ADGRG4: variants seen among roughly 807,000 people sequenced by gnomAD.
The protein encoded by ADGRG4 is adhesion G protein-coupled receptor G4.
ADGRG4 carries 122 observed loss-of-function variants against 126.2 expected under a neutral mutation model. That is an observed-to-expected ratio of 0.97 (90% confidence interval 0.83 to 1.12). ADGRG4 has a LOEUF of 1.12. ADGRG4 is among the 50% of genes most tolerant of loss of function. The pLI is 0.00. For synonymous variants in ADGRG4, 943 were observed against 838.7 expected (o/e 1.12, Z -2.15); for missense variants, 2,481 against 2,251.8 (o/e 1.10, Z -2.06).
intron 15 of ADGRG4, 136 bp downstream of exon 15, chrX:136,373,200 A>C: frequency 1.9e-6 from 1 of 528,971 alleles, no homozygotes; most frequent in Admixed American, 3.8e-5. Flanking sequence ...CATCCCAGGG[A>C]AGATTCGTAT....
In ADGRG4 at chrX:136,354,815, G is replaced by T; in HGVS notation, c.6888-1311G>T. On this transcript the variant is annotated intron_variant, in intron 8 of 25. Coordinates refer to ENST00000394143, the MANE Select transcript of ADGRG4 (RefSeq NM_153834.4). ...TTATAAAGGATACTGCAGAAGATAC[G>T]AATGAAGAGATGTGTAAGGCGAGGT... Among the ~76,000 whole-genome samples the T allele has an allele frequency of 1.8e-5, 2 of 111,633 alleles. 1 individual carries two copies. Among genetic ancestry groups the T allele is most frequent in the East Asian group, 5.6e-4 (2 of 3,564 alleles).
At chrX:136,311,124 T>A (rs1253703696) in intron 4 of ADGRG4, among the ~76,000 whole-genome samples, 1 of 110,445 alleles carries the variant, frequency 9.1e-6, no homozygotes, top group East Asian at 2.8e-4. Flanking sequence ...TTCTTCCTCT[T>A]CTATAAGGGC....
chrX:136,339,208 T>A (rs943953447), intron 5 of ADGRG4, among the ~76,000 whole-genome samples: 4 of 111,581 alleles, frequency 3.6e-5, no homozygotes, highest in Non-Finnish European at 7.5e-5. Flanking sequence ...TACCTTGGTG[T>A]CTCTGGGTGA....
chrX:136,411,947 A>G (rs2075448375), intron 23 of ADGRG4, among the ~76,000 whole-genome samples: 1 of 112,913 alleles, frequency 8.9e-6, no homozygotes. Context: ...TATTGGTACA[A>G]TGTGGAAGTA....
At chrX:136,402,829 TGCCCTTCTCCTAA>T (rs974190087) in intron 21 of ADGRG4, among the ~76,000 whole-genome samples, 2 of 111,721 alleles carry the variant, frequency 1.8e-5, no homozygotes, top group African/African-American at 6.5e-5. Flanking sequence ...TGATTGCCTG[TGCCCTTCTCCTAA>T]GGTGACCTAG....
chrX:136,380,613 T>C (rs868227264), intron 15 of ADGRG4, among the ~76,000 whole-genome samples: 2 of 68,820 alleles, frequency 2.9e-5, no homozygotes, highest in African/African-American at 1.3e-4. Context: ...CCTCTTCTTC[T>C]TCTTCTTCTT....
In ADGRG4 at chrX:136,403,295, A is replaced by G; in HGVS notation, c.8627A>G (p.Tyr2876Cys). The change falls in exon 22 of 26, where the codon TAT (tyrosine) becomes TGT (cysteine). Residue 2876 changes from tyrosine (Y) to cysteine (C), a missense_variant. Coordinates refer to ENST00000394143, the MANE Select transcript of ADGRG4 (RefSeq NM_153834.4). ...ACAGTCAGTGTGAAAAAAGATCTGT[A>G]TGGAACTCTGAGCCCAACAACTCCG... ...AITVSVKKDL[Y>C]GTLSPTTPFC... The G allele has an allele frequency of 8.3e-7, 1 of 1,208,584 alleles. No homozygotes were observed. Among genetic ancestry groups the G allele is most frequent in the Non-Finnish European group, 1.1e-6 (1 of 892,627 alleles).
In ADGRG4 at chrX:136,350,234, C is replaced by T; in HGVS notation, c.6528C>T (p.Asp2176=). ...TAATTATTCCTAAGCCCACACTGGA[C>T]TCCCTTCTAAATATAATGACTACTA... ...STLIIPKPTL[D]SLLNIMTTTS... Residue 2176 remains aspartate, a synonymous_variant, in exon 6 of 26, where the codon GAC becomes GAT. Coordinates refer to ENST00000394143, the MANE Select transcript of ADGRG4 (RefSeq NM_153834.4). The T allele has an allele frequency of 8.3e-7, 1 of 1,206,761 alleles. No homozygotes were observed.
intron 25 of ADGRG4, among the ~76,000 whole-genome samples, 186 bp from the exon 26 acceptor site, chrX:136,416,268 G>A (rs1400852566): frequency 1.8e-5 from 2 of 111,611 alleles, no homozygotes; most frequent in South Asian, 3.8e-4. Context: ...TGTCCAAACA[G>A]TGCTGTCAGG....
chrX:136,367,677 T>C (rs771946202), intron 13 of ADGRG4, among the ~76,000 whole-genome samples: 3 of 112,221 alleles, frequency 2.7e-5, no homozygotes, highest in Non-Finnish European at 5.6e-5. Flanking sequence ...AATCCTTCTA[T>C]TCTACTTGTA....
At chrX:136,385,722 T>C (rs761900216) in intron 15 of ADGRG4, among the ~76,000 whole-genome samples, 7 of 112,414 alleles carry the variant, frequency 6.2e-5, no homozygotes, top group Admixed American at 1.9e-4. Flanking sequence ...TTCTACTCTA[T>C]TCTTTTGTAG....
At chrX:136,350,782 T>C (rs749895041) in intron 6 of ADGRG4, among the ~76,000 whole-genome samples, 1 of 111,334 alleles carries the variant, frequency 9.0e-6, no homozygotes, top group South Asian at 3.8e-4. Context: ...AAGAGAATCA[T>C]ACGGCCTTAG....
chrX:136,327,827 T>C (rs2074883692), intron 5 of ADGRG4, among the ~76,000 whole-genome samples: 1 of 111,301 alleles, frequency 9.0e-6, no homozygotes, highest in South Asian at 3.7e-4. Flanking sequence ...TTTTTACTAG[T>C]TATTTTATTA....
chrX:136,361,625 T>C lies in ADGRG4; in HGVS notation c.7277+38T>C, dbSNP rs199741915. The C allele has an allele frequency of 6.7e-6, 7 of 1,043,452 alleles. No homozygotes were observed. In the East Asian group the frequency reaches 2.0e-4, roughly 29 times the overall value. 86.0% of individuals were successfully genotyped at this position (1,043,452 alleles called of 1,213,427 possible). Reference sequence around the variant, plus strand: ...CAAGTTCTAATTGCTGATTCAGATATACAAAGATCTACCTAATTGGGGACA... The same window carrying C: ...CAAGTTCTAATTGCTGATTCAGATACACAAAGATCTACCTAATTGGGGACA... On this transcript the variant is annotated intron_variant, in intron 12 of 25. Coordinates refer to ENST00000394143, the MANE Select transcript of ADGRG4 (RefSeq NM_153834.4).
rs1254541404 is a variant in ADGRG4, at chrX:136,348,432, A to G, written c.4726A>G (p.Thr1576Ala). ...PVNNSAFTPA[T>A]VSSDTSTRVG... ...TAATAACTCTGCTTTCACACCTGCA[A>G]CAGTCTCTTCTGACACTTCCACAAG... is the stretch of plus-strand genomic sequence containing the variant. The change falls in exon 6 of 26, where the codon ACA (threonine) becomes GCA (alanine). Residue 1576 changes from threonine to alanine, a missense_variant. By Grantham distance (58) the Thr-to-Ala change is moderately conservative. Transcript: ENST00000394143. 1.7e-6 allele frequency: 2 copies of G among 1,208,190 alleles called. No homozygotes were observed. The highest frequency in any genetic ancestry group is 2.2e-6 in the Non-Finnish European group (2 of 892,303).
Position 136,412,351 on chromosome X carries a change from T to C in ADGRG4, c.9022T>C (p.Leu3008=). Reference sequence around the variant, plus strand: ...ACACCTCTGCTGTGGGTGGTTGCGATTGGATAACTCTTCTGGTAAGATGTC... The same window carrying C: ...ACACCTCTGCTGTGGGTGGTTGCGACTGGATAACTCTTCTGGTAAGATGTC... ...QIHLCCGWLR[L]DNSSDGSSRC... is the part of the protein sequence containing the mutation. The change falls in exon 24 of 26, where the codon TTG becomes CTG. Residue 3008 remains leucine, a synonymous_variant. Transcript: ENST00000394143. 8.6e-7 allele frequency: 1 copy of C among 1,158,841 alleles called. No individual in the cohort carries two copies. The highest frequency in any genetic ancestry group is 3.0e-5 in the East Asian group (1 of 33,695).
At chrX:136,365,183 T>G (rs1603297076) in intron 13 of ADGRG4, among the ~76,000 whole-genome samples, 1 of 111,581 alleles carries the variant, frequency 9.0e-6, no homozygotes, top group East Asian at 2.8e-4. Flanking sequence ...ATTTAGTGGG[T>G]TTTTAAAAGC....
Position 136,344,657 on chromosome X carries a change from T to C in ADGRG4, c.951T>C (p.Val317=). The change falls in exon 6 of 26, where the codon GTT becomes GTC. Residue 317 remains valine, a synonymous_variant. Transcript: ENST00000394143. ...VDETATFAVD[V]LSTSSAISLP... is the part of the protein sequence containing the mutation. ...AGACAGCTACATTTGCAGTGGATGT[T>C]TTATCAACTTCATCAGCCATCTCTC... The C allele has an allele frequency of 8.3e-7, 1 of 1,209,907 alleles. No individual in the cohort carries two copies. The highest frequency in any genetic ancestry group is 1.1e-6 in the Non-Finnish European group (1 of 893,875).
intron 5 of ADGRG4, among the ~76,000 whole-genome samples, chrX:136,329,152 C>G (rs1179992666): frequency 9.0e-6 from 1 of 111,510 alleles, no homozygotes; most frequent in Non-Finnish European, 1.9e-5. Flanking sequence ...TCTCACAAAT[C>G]TAATCAACAT....
Sources: gnomAD v4.1 joint callset for allele counts (sites outside exome capture counted in the v4.1 genomes callset) on GRCh38, gnomAD v4.1.1 for gene constraint, MANE v1.5 for transcripts, NCBI Gene and HGNC (gene_info 2026-07-23, HGNC 2026-07-21) for gene names.